Variants in SLC22A13 observed in about 807,000 individuals in gnomAD.
SLC22A13 encodes the protein solute carrier family 22 member 13.
A neutral mutation model predicts 49.1 loss-of-function variants in SLC22A13; 42 were observed. The ratio of observed to expected loss-of-function variants is 0.85; its 90% confidence interval spans 0.67 to 1.11. The LOEUF is 1.11. Ranked by LOEUF, SLC22A13 falls within the 50% of genes least tolerant of loss-of-function variation. SLC22A13 has a pLI of 0.00. For missense variants in SLC22A13, 694 were observed against 712.8 expected (o/e 0.97, Z 0.30); for synonymous variants, 282 against 293.1 (o/e 0.96, Z 0.39).
intron 1 of SLC22A13, among the ~76,000 whole-genome samples, chr3:38,269,343 C>T (rs1219735685): frequency 6.6e-6 from 1 of 152,078 alleles, no homozygotes; most frequent in Non-Finnish European, 1.5e-5. Context: ...CTGCAACCTC[C>T]ACCTCCTGGG....
In SLC22A13 at chr3:38,277,377, C is replaced by T. The variant is rs887546353; in HGVS notation, c.1568C>T (p.Pro523Leu). Residue 523 changes from proline (P) to leucine (L), a missense_variant, in exon 10 of 10, where the codon CCC becomes CTC. Transcript: ENST00000311856. ...DLELGPHPRS[P>L]KSVPSEKETE... ...CAGCCTTCTGCTCCCTCTAGGTCCCCCAAATCAGTGCCCTCAGAGAAGGAA... is the reference window on the plus strand; with the variant it reads ...CAGCCTTCTGCTCCCTCTAGGTCCCTCAAATCAGTGCCCTCAGAGAAGGAA... 2 of 1,613,528 alleles carry T rather than the reference C, an allele frequency of 1.2e-6. No homozygotes were observed. Among genetic ancestry groups the T allele is most frequent in the Non-Finnish European group, 1.7e-6 (2 of 1,179,682 alleles).
rs560856035 is a variant in SLC22A13 at position 38,271,046 on chromosome 3, T to G, written c.379-3226T>G. ...GCTTTGTGTGATCTTCTATCTCTGG[T>G]TTTCATCTATGAGGAAGGGTTCTGC... On this transcript the variant is annotated intron_variant, in intron 1 of 9. Transcript: ENST00000311856. 2.0e-5 allele frequency among the ~76,000 whole-genome samples: 3 copies of G among 152,326 alleles called. No homozygotes were observed. In the South Asian group the frequency reaches 6.2e-4, roughly 32 times the overall value.
intron 1 of SLC22A13, among the ~76,000 whole-genome samples, chr3:38,268,328 G>A (rs748865032): frequency 4.6e-5 from 7 of 152,074 alleles, no homozygotes; most frequent in Admixed American, 2.6e-4. Context: ...TGTTCTCCCC[G>A]CCCCTTCTCC....
intron 9 of SLC22A13, 90 bp downstream of exon 9, chr3:38,277,217 C>T: frequency 5.2e-6 from 6 of 1,164,492 alleles, no homozygotes; most frequent in Non-Finnish European, 7.4e-6. Context: ...ATCACTCGTC[C>T]ACTGTTGCCT....
At chr3:38,272,559 A>G (rs1703533400) in intron 1 of SLC22A13, among the ~76,000 whole-genome samples, 1 of 152,224 alleles carries the variant, frequency 6.6e-6, no homozygotes, top group African/African-American at 2.4e-5. Flanking sequence ...TTTAAATGCC[A>G]TCTTACTACA....
chr3:38,278,507 C>T lies in SLC22A13; in HGVS notation c.*1042C>T, dbSNP rs1273898381. On this transcript the variant is annotated 3_prime_UTR_variant, in exon 10 of 10. Coordinates refer to ENST00000311856, the MANE Select transcript of SLC22A13 (RefSeq NM_004256.4). The stretch of plus-strand genomic sequence containing the variant: ...CTCCTACAACCTGTCCTACAGCTGG[C>T]AGCCCCTGACCCAACCAAGATGGCC... 6.6e-6 allele frequency among the ~76,000 whole-genome samples: 1 copy of T among 152,150 alleles called. No individual in the cohort carries two copies. The highest frequency in any genetic ancestry group is 2.4e-5 in the African/African-American group (1 of 41,422).
Position 38,275,493 on chromosome 3 carries a change from A to T in SLC22A13, c.927+3A>T, listed in dbSNP as rs565482272. Reference sequence around the variant, plus strand: ...TCTCCCCGGAGCTCATGAACCAGGTACTTCCAGCAGGCCCAGGCCCAGGCC... The same window carrying T: ...TCTCCCCGGAGCTCATGAACCAGGTTCTTCCAGCAGGCCCAGGCCCAGGCC... On this transcript the variant is annotated splice_donor_region_variant and intron_variant, in intron 5 of 9. Coordinates refer to ENST00000311856, the MANE Select transcript of SLC22A13 (RefSeq NM_004256.4). 58 of 1,614,226 alleles carry T rather than the reference A, an allele frequency of 3.6e-5. 1 individual carries two copies. The South Asian group carries it at 6.3e-4, about 17-fold the overall frequency.
Position 38,276,994 on chromosome 3 carries a change from C to T in SLC22A13, c.1429C>T (p.His477Tyr). 1 of 1,612,530 alleles carries T rather than the reference C, an allele frequency of 6.2e-7. No individual in the cohort carries two copies. Among genetic ancestry groups the T allele is most frequent in the Non-Finnish European group, 8.5e-7 (1 of 1,179,408 alleles). Residue 477 changes from histidine (H) to tyrosine (Y), a missense_variant, in exon 9 of 10, where the codon CAC (histidine) becomes TAC (tyrosine). His to Tyr is a moderately conservative substitution (Grantham distance 83). Coordinates refer to ENST00000311856, the MANE Select transcript of SLC22A13 (RefSeq NM_004256.4). ...TPLVILLGEY[H>Y]AALPMLIYGS... Reference sequence around the variant, plus strand: ...ACTTGTGATCCTGCTGGGAGAGTACCACGCTGCCCTCCCCATGCTCATCTA... The same window carrying T: ...ACTTGTGATCCTGCTGGGAGAGTACTACGCTGCCCTCCCCATGCTCATCTA...
At chr3:38,273,401 G>A (rs542042151) in intron 1 of SLC22A13, among the ~76,000 whole-genome samples, 17 of 152,184 alleles carry the variant, frequency 1.1e-4, no homozygotes, top group African/African-American at 3.6e-4. Flanking sequence ...CCCTCCCTCT[G>A]TGTGTGCGTG....
chr3:38,268,086 T>G (rs1703481875), intron 1 of SLC22A13, among the ~76,000 whole-genome samples: 1 of 152,212 alleles, frequency 6.6e-6, no homozygotes, highest in Admixed American at 6.5e-5. Context: ...TGAGAAAGCA[T>G]TGGTTAACGC....
rs1479740750 is a variant in SLC22A13 at position 38,266,060 on chromosome 3, A to T, written c.200A>T (p.Gln67Leu). ...NHTFNLSAAE[Q>L]LVLSVPLDTA... is the part of the protein sequence containing the mutation. ...ACTTTCAACCTGAGTGCTGCTGAAC[A>T]GCTGGTACTGAGCGTGCCCCTGGAC... Residue 67 changes from glutamine to leucine, a missense_variant, in exon 1 of 10, where the codon CAG becomes CTG. Physicochemically the swap from Gln to Leu is moderately radical, Grantham distance 113. Coordinates refer to ENST00000311856, the MANE Select transcript of SLC22A13 (RefSeq NM_004256.4). 6.2e-7 allele frequency: 1 copy of T among 1,614,178 alleles called. No homozygotes were observed. The highest frequency in any genetic ancestry group is 1.7e-5 in the Admixed American group (1 of 60,022).
Position 38,274,375 on chromosome 3 carries a change from G to T in SLC22A13, c.482G>T (p.Arg161Leu), listed in dbSNP as rs371664875. The part of the protein sequence containing the change: ...GTLMFGPLCD[R>L]IGRKATILAQ... ...CTCATGTTTGGGCCCCTCTGCGACCGGTAAGAACCTTGCCCTGCCCACTCC... is the reference window on the plus strand; with the variant it reads ...CTCATGTTTGGGCCCCTCTGCGACCTGTAAGAACCTTGCCCTGCCCACTCC... The change falls in exon 2 of 10, where the codon CGG becomes CTG. Residue 161 changes from arginine to leucine, a missense_variant and splice_region_variant. By Grantham distance (102) the Arg-to-Leu change is moderately radical. Coordinates refer to ENST00000311856, the MANE Select transcript of SLC22A13 (RefSeq NM_004256.4). 2 of 1,612,490 alleles carry T rather than the reference G, an allele frequency of 1.2e-6. No homozygotes were observed. Among genetic ancestry groups the T allele is most frequent in the East Asian group, 4.5e-5 (2 of 44,882 alleles).
In SLC22A13 at chr3:38,277,642, C is replaced by T. The variant is rs1034173876; in HGVS notation, c.*177C>T. 5.5e-6 allele frequency: 3 copies of T among 542,332 alleles called. No homozygotes were observed. Among genetic ancestry groups the T allele is most frequent in the East Asian group, 6.1e-5 (2 of 32,598 alleles). The allele number at this position is 542,332 out of a possible 1,614,324, so 33.6% of individuals were successfully genotyped here. A position where few individuals can be genotyped will look rare whatever the true frequency, so the allele number is the denominator to read the frequency against. ...GAGTCCAATCCCAGACTGGGAACCACCATCTGAGACAGGACCTCCCGGCCT... is the reference window on the plus strand; with the variant it reads ...GAGTCCAATCCCAGACTGGGAACCATCATCTGAGACAGGACCTCCCGGCCT... On this transcript the variant is annotated 3_prime_UTR_variant, in exon 10 of 10. Coordinates refer to ENST00000311856, the MANE Select transcript of SLC22A13 (RefSeq NM_004256.4).
At chr3:38,275,184 G>GC (rs753516318) in intron 4 of SLC22A13, 27 bp downstream of exon 4, 50 of 1,612,590 alleles carry the variant, frequency 3.1e-5, no homozygotes, top group East Asian at 4.5e-5. Context: ...CCAGGAGCAA[G>GC]CCCCCCCAGG....
chr3:38,277,425 C>G lies in SLC22A13; in HGVS notation c.1616C>G (p.Ser539Cys). The change falls in exon 10 of 10, where the codon TCC becomes TGC. Residue 539 changes from serine (S) to cysteine (C), a missense_variant. Ser to Cys is a moderately radical substitution (Grantham distance 112). Transcript: ENST00000311856. The stretch of plus-strand genomic sequence containing the variant: ...GAAACAGAGGCCAAGGGAAGAACTT[C>G]CAGCCCGGGAGTGGCCTTTGTGAGC... ...EKETEAKGRT[S>C]SPGVAFVSST... 6.2e-7 allele frequency: 1 copy of G among 1,614,178 alleles called. No homozygotes were observed. Among genetic ancestry groups the G allele is most frequent in the Non-Finnish European group, 8.5e-7 (1 of 1,179,992 alleles).
At chr3:38,271,575 C>A (rs559810532) in intron 1 of SLC22A13, among the ~76,000 whole-genome samples, 10 of 150,672 alleles carry the variant, frequency 6.6e-5, no homozygotes, top group South Asian at 4.2e-4. Context: ...AAAAATGACT[C>A]CCCTGTCTAC....
chr3:38,269,978 T>C (rs1225669387), intron 1 of SLC22A13, among the ~76,000 whole-genome samples: 2 of 151,548 alleles, frequency 1.3e-5, no homozygotes, highest in Non-Finnish European at 2.9e-5. Context: ...TTTGGTTTTT[T>C]GTTCTTGCGA....
intron 1 of SLC22A13, among the ~76,000 whole-genome samples, chr3:38,271,542 C>CAAAAA (rs397837435): frequency 4.1e-5 from 2 of 48,404 alleles, no homozygotes; most frequent in Non-Finnish European, 4.6e-5. Context: ...GACGCTTTCT[C>CAAAAA]AAAAAAAAAA....
chr3:38,267,768 C>T (rs543659059), intron 1 of SLC22A13, among the ~76,000 whole-genome samples: 14 of 152,188 alleles, frequency 9.2e-5, no homozygotes, highest in South Asian at 2.1e-4. Context: ...CTCCTGGTTC[C>T]GGGGGAATGG....
Sources: gnomAD v4.1 joint callset for allele counts (sites outside exome capture counted in the v4.1 genomes callset) on GRCh38, gnomAD v4.1.1 for gene constraint, MANE v1.5 for transcripts, NCBI Gene and HGNC (gene_info 2026-07-23, HGNC 2026-07-21) for gene names.